The following SLC12A6 variants were observed in gnomAD, a reference collection of about 807,000 sequenced individuals.
SLC12A6 encodes the protein solute carrier family 12 member 6, also known as K-Cl cotransporter 3.
In SLC12A6, 66 loss-of-function variants were observed where a neutral mutation model predicts 135.3. That is an observed-to-expected ratio of 0.49 (90% CI 0.40 to 0.60). The LOEUF (loss-of-function observed/expected upper bound fraction) is 0.60. SLC12A6 is among the 20% of genes least tolerant of loss of function. SLC12A6 has a pLI of 0.00. For synonymous variants in SLC12A6, 513 were observed against 508.8 expected (o/e 1.01, Z -0.11); for missense variants, 1,058 against 1,452.3 (o/e 0.73, Z 4.41).
At chr15:34,275,304 G>A (rs757846768) in intron 3 of SLC12A6, 41 bp downstream of exon 3, 8 of 1,014,486 alleles carry the variant, frequency 7.9e-6, no homozygotes, top group South Asian at 7.7e-5. Context: ...ATGAGTTAAG[G>A]GTGACTTTGG....
chr15:34,246,019 GC>G (rs1891962475), intron 13 of SLC12A6, 152 bp from the exon 14 acceptor site: 7 of 710,922 alleles, frequency 9.8e-6, no homozygotes, highest in East Asian at 2.7e-5. Context: ...TCCAAACTCC[GC>G]CCCCCAAGTT....
chr15:34,326,655 A>T (rs1463376808), intron 2 of SLC12A6, among the ~76,000 whole-genome samples: 1 of 151,670 alleles, frequency 6.6e-6, no homozygotes, highest in Non-Finnish European at 1.5e-5. Context: ...TTACGAACAT[A>T]GAATCTAAGT....
In SLC12A6 at chr15:34,236,790, G is replaced by C. The variant is rs1891299136; in HGVS notation, c.2960C>G (p.Thr987Ser). The C allele has an allele frequency of 6.2e-7, 1 of 1,609,828 alleles. No homozygotes were observed. The highest frequency in any genetic ancestry group is 8.5e-7 in the Non-Finnish European group (1 of 1,176,066). ...TTCCATCATCAAAGTGCGCTCGTAAGTATATGCTGATATATCACTGTCATG... is the reference window on the plus strand; with the variant it reads ...TTCCATCATCAAAGTGCGCTCGTAACTATATGCTGATATATCACTGTCATG... ...EMHDSDISAY[T>S]YERTLMMEQR... The change falls in exon 23 of 26, where the codon ACT becomes AGT. Residue 987 changes from threonine (T) to serine (S), a missense_variant. Thr to Ser is a moderately conservative substitution (Grantham distance 58, BLOSUM62 1). Around this residue, in one of 6 missense-constraint regions of SLC12A6, gnomAD observed 245 missense variants for 440.8 expected, o/e 0.56. Transcript: ENST00000354181.
chr15:34,279,671 G>A (rs1894541614), intron 2 of SLC12A6, among the ~76,000 whole-genome samples: 1 of 152,130 alleles, frequency 6.6e-6, no homozygotes. Context: ...TTTTAAACCA[G>A]ATTATTCTCT....
intron 24 of SLC12A6, 75 bp from the exon 25 acceptor site, chr15:34,235,389 T>G: frequency 8.1e-7 from 1 of 1,234,072 alleles, no homozygotes; most frequent in Non-Finnish European, 1.2e-6. Flanking sequence ...AAACTTGAGA[T>G]CCTGAGCTTT....
Position 34,250,619 on chromosome 15 carries a change from TA to T in SLC12A6, c.1591+11del. On this transcript the variant is annotated intron_variant, in intron 12 of 25. Transcript: ENST00000354181. ...ATGACTAAGACTCAGACTGGATCCATAAAAAGGATACAAACAAAGGAGGTGG... is the reference window on the plus strand; with the variant it reads ...ATGACTAAGACTCAGACTGGATCCATAAAAGGATACAAACAAAGGAGGTGG... 3 of 1,407,148 alleles carry T rather than the reference TA, an allele frequency of 2.1e-6. No homozygotes were observed. The highest frequency in any genetic ancestry group is 2.0e-6 in the Non-Finnish European group (2 of 991,370). 87.2% of individuals were successfully genotyped at this position (1,407,148 alleles called of 1,614,324 possible). A position where few individuals can be genotyped will look rare whatever the true frequency, so the allele number is the denominator to read the frequency against.
intron 2 of SLC12A6, among the ~76,000 whole-genome samples, chr15:34,280,522 G>A (rs1408563312): frequency 6.6e-6 from 1 of 152,062 alleles, no homozygotes; most frequent in African/African-American, 2.4e-5. Context: ...CAAAAGAAAC[G>A]ATTCCAACTC....
intron 6 of SLC12A6, among the ~76,000 whole-genome samples, chr15:34,257,070 G>A (rs1342639234): frequency 6.6e-6 from 1 of 152,104 alleles, no homozygotes; most frequent in Non-Finnish European, 1.5e-5. Flanking sequence ...AGGTCATAGT[G>A]ATAAAAAAGG....
intron 4 of SLC12A6, among the ~76,000 whole-genome samples, chr15:34,259,688 G>A (rs541757682): frequency 6.6e-6 from 1 of 152,330 alleles, no homozygotes; most frequent in South Asian, 2.1e-4. Flanking sequence ...TTGCATCATT[G>A]TCAAAGGCCA....
chr15:34,240,876 G>A (rs749301070), intron 18 of SLC12A6, 47 bp from the exon 19 acceptor site: 8 of 1,493,180 alleles, frequency 5.4e-6, no homozygotes, highest in Non-Finnish European at 7.4e-6. Flanking sequence ...AAACATTTTG[G>A]GTTTGGGGAA....
chr15:34,236,851 C>G (rs1339739355), intron 22 of SLC12A6, 36 bp from the exon 23 acceptor site: 1 of 1,175,398 alleles, frequency 8.5e-7, no homozygotes, highest in Non-Finnish European at 1.3e-6. Flanking sequence ...GCAAAAAGCA[C>G]AAAGGAGAAA....
chr15:34,320,794 G>C (rs894035038), intron 2 of SLC12A6, among the ~76,000 whole-genome samples: 5 of 139,520 alleles, frequency 3.6e-5, no homozygotes, highest in Admixed American at 7.0e-5. Context: ...GCGGGCGCCT[G>C]TAGTTCCAGA....
chr15:34,268,756 A>C (rs1245952669), intron 3 of SLC12A6, among the ~76,000 whole-genome samples: 1 of 152,158 alleles, frequency 6.6e-6, no homozygotes, highest in Non-Finnish European at 1.5e-5. Context: ...GATTATTCAG[A>C]ATCCTAAAAT....
chr15:34,312,297 GA>G (rs1414114132), intron 2 of SLC12A6, among the ~76,000 whole-genome samples: 25 of 152,156 alleles, frequency 1.6e-4, no homozygotes, highest in African/African-American at 5.5e-4. Flanking sequence ...GTAGCCTTAG[GA>G]AAAAAGTAAG....
At position 34,252,383 on chromosome 15, in the gene SLC12A6, C is replaced by A; in HGVS notation, c.1120G>T (p.Val374Phe). Residue 374 changes from valine (V) to phenylalanine (F), a missense_variant and splice_region_variant, in exon 10 of 26, where the codon GTC becomes TTC. Val to Phe is a conservative substitution (Grantham distance 50). Around this residue, in one of 6 missense-constraint regions of SLC12A6, gnomAD observed 297 missense variants for 318.5 expected, o/e 0.93. Transcript: ENST00000354181. ...KSSFAPPHFP[V>F]CMLGNRTLSS... ...AGGGTGCGGTTACCCAGCATGCAGA[C>A]CCTAAGTGAAAAGAAATAGGGAGAA... 6.3e-7 allele frequency: 1 copy of A among 1,586,520 alleles called. No homozygotes were observed. Among genetic ancestry groups the A allele is most frequent in the Non-Finnish European group, 8.6e-7 (1 of 1,156,400 alleles).
chr15:34,236,296 C>CT, intron 23 of SLC12A6, 97 bp from the exon 24 acceptor site: 1 of 868,118 alleles, frequency 1.2e-6, no homozygotes, highest in Non-Finnish European at 1.9e-6. Flanking sequence ...AGTGGAATAA[C>CT]TGACAGAGTG....
intron 2 of SLC12A6, among the ~76,000 whole-genome samples, chr15:34,327,744 C>G (rs988433737): frequency 6.6e-6 from 1 of 152,040 alleles, no homozygotes; most frequent in Non-Finnish European, 1.5e-5. Context: ...TTTCTCATAG[C>G]TCCTCAAAGT....
intron 1 of SLC12A6, 175 bp downstream of exon 1, chr15:34,337,157 G>C: frequency 4.0e-6 from 1 of 252,514 alleles, no homozygotes. Context: ...GGCGACTATA[G>C]CGTGGATCAG....
chr15:34,244,113 A>G (rs1891829277), intron 15 of SLC12A6, 41 bp from the exon 16 acceptor site: 1 of 1,118,006 alleles, frequency 8.9e-7, no homozygotes, highest in Non-Finnish European at 1.4e-6. Context: ...TTACTGGAAG[A>G]TGATTCTTTG....
Sources: gnomAD v4.1 joint callset for allele counts (sites outside exome capture counted in the v4.1 genomes callset) on GRCh38, gnomAD v4.1.1 for gene constraint, gnomAD v4.1.1 regional missense constraint, MANE v1.5 for transcripts, NCBI Gene and HGNC (gene_info 2026-07-23, HGNC 2026-07-21) for gene names.